The following CSGALNACT1 variants were observed in gnomAD, a reference collection of about 807,000 sequenced individuals.
The protein encoded by CSGALNACT1 is beta4GalNAcT-1.
Under a neutral mutation model 51.0 loss-of-function variants are expected in CSGALNACT1, and 52 were observed. That is an observed-to-expected ratio of 1.02 (90% CI 0.82 to 1.29). The LOEUF is 1.29. CSGALNACT1 is among the 50% of genes most tolerant of loss of function. The probability of loss-of-function intolerance (pLI) is 0.00; values close to 1 mark genes in which losing one functional copy is unlikely to be tolerated. For synonymous variants in CSGALNACT1, 341 were observed against 254.4 expected, an observed-to-expected ratio of 1.34 and a Z score of -3.24; for missense variants, 935 against 679.2, an observed-to-expected ratio of 1.38 and a Z score of -4.19.
At chr8:19,717,826 T>C (rs532852309) in intron 1 of CSGALNACT1, among the ~76,000 whole-genome samples, 1 of 152,318 alleles carries the variant, frequency 6.6e-6, no homozygotes, top group African/African-American at 2.4e-5. Context: ...GCTCAGGCAC[T>C]GTAACCCTGG....
intron 8 of CSGALNACT1, among the ~76,000 whole-genome samples, chr8:19,411,311 C>T (rs7821446): frequency 0.41 from 63,110 of 152,074 alleles, 14,363 homozygotes; most frequent in East Asian, 0.83. Flanking sequence ...GATGCATCTG[C>T]TTCTCTGTTT....
Position 19,405,861 on chromosome 8 carries a change from C to T in CSGALNACT1, c.1518G>A (p.Gln506=), listed in dbSNP as rs142112103. 3.7e-6 allele frequency: 6 copies of T among 1,614,182 alleles called. No individual in the cohort carries two copies. In the Admixed American group the frequency reaches 1.0e-4, roughly 27 times the overall value. The change falls in exon 10 of 10, where the codon CAG becomes CAA. Residue 506 remains glutamine (Q), a synonymous_variant. Transcript: ENST00000454498. ...CGTGCCTGAACACCAGCATGCCCAG[C>T]TGGCCGTGGGATGCCTCGTTCATGG...
rs535908955 is a variant in CSGALNACT1 at position 19,457,716 on chromosome 8, T to A, written c.851+710A>T. ...GCTGGTGAAATCACTTAGCTGGTTATCCTCAGCCAATATGTGCATCTGAGC... is the reference window on the plus strand; with the variant it reads ...GCTGGTGAAATCACTTAGCTGGTTAACCTCAGCCAATATGTGCATCTGAGC... On this transcript the variant is annotated intron_variant, in intron 5 of 9. Transcript: ENST00000454498. The A allele has an allele frequency of 9.6e-5, 129 of 1,338,464 alleles. No homozygotes were observed. In the African/African-American group the frequency reaches 1.8e-3, roughly 18 times the overall value. The allele number at this position is 1,338,464 out of a possible 1,614,324, so 82.9% of individuals were successfully genotyped here.
chr8:19,541,137 T>G lies in CSGALNACT1; in HGVS notation c.-296-35007A>C, dbSNP rs368867144. 3.5e-3 allele frequency among the ~76,000 whole-genome samples: 529 copies of G among 152,138 alleles called. 44 individuals carry two copies. The South Asian group carries it at 0.11, about 31-fold the overall frequency. On this transcript the variant is annotated intron_variant, in intron 3 of 9. Transcript: ENST00000454498. ...CTGTGTCCCCCAGGCTAGAATGCAG[T>G]GGCATGATCGCAGCTCACTGCAACC...
At chr8:19,541,962 T>G (rs1588077522) in intron 3 of CSGALNACT1, among the ~76,000 whole-genome samples, 1 of 152,236 alleles carries the variant, frequency 6.6e-6, no homozygotes, top group East Asian at 1.9e-4. Flanking sequence ...AGGTCTTCAG[T>G]TATCACCAAA....
At chr8:19,687,949 C>T (rs144364322) in intron 1 of CSGALNACT1, among the ~76,000 whole-genome samples, 3 of 152,310 alleles carry the variant, frequency 2.0e-5, no homozygotes, top group African/African-American at 7.2e-5. Context: ...CACTGACTTA[C>T]AGGATGACAA....
intron 4 of CSGALNACT1, among the ~76,000 whole-genome samples, chr8:19,461,832 G>T (rs111853220): frequency 2.0e-4 from 9 of 45,524 alleles, no homozygotes; most frequent in African/African-American, 3.8e-4. Context: ...TAGCCATGGA[G>T]GGTGTATCTG....
chr8:19,551,822 T>C (rs910877768), intron 3 of CSGALNACT1, among the ~76,000 whole-genome samples: 1 of 152,234 alleles, frequency 6.6e-6, no homozygotes, highest in African/African-American at 2.4e-5. Context: ...ATTTATATCT[T>C]ATTTTTTACC....
chr8:19,452,065 C>A (rs761248050), intron 5 of CSGALNACT1, among the ~76,000 whole-genome samples: 2 of 152,166 alleles, frequency 1.3e-5, no homozygotes, highest in African/African-American at 2.4e-5. Flanking sequence ...ACAATTTTGC[C>A]ACCAATAAAT....
chr8:19,595,588 G>A (rs1327926953), intron 2 of CSGALNACT1, among the ~76,000 whole-genome samples: 2 of 151,750 alleles, frequency 1.3e-5, no homozygotes, highest in South Asian at 2.1e-4. Context: ...TTTCTCTGGG[G>A]GACTTGACTA....
intron 4 of CSGALNACT1, among the ~76,000 whole-genome samples, chr8:19,499,107 C>A (rs2075987387): frequency 6.6e-6 from 1 of 152,076 alleles, no homozygotes; most frequent in African/African-American, 2.4e-5. Flanking sequence ...AGAGTGAGAC[C>A]CTGTCTCAAA....
At chr8:19,679,158 A>G (rs560805958) in intron 1 of CSGALNACT1, among the ~76,000 whole-genome samples, 26 of 152,362 alleles carry the variant, frequency 1.7e-4, no homozygotes, top group African/African-American at 5.8e-4. Flanking sequence ...CAGCAAAGCC[A>G]TAAGAAACTT....
At chr8:19,716,697 C>A (rs2062831791) in intron 1 of CSGALNACT1, among the ~76,000 whole-genome samples, 1 of 148,456 alleles carries the variant, frequency 6.7e-6, no homozygotes, top group Admixed American at 6.8e-5. Flanking sequence ...GAGACTGAGG[C>A]ATGAGAATCA....
At chr8:19,655,122 T>A (rs1432540721) in intron 1 of CSGALNACT1, among the ~76,000 whole-genome samples, 1 of 152,100 alleles carries the variant, frequency 6.6e-6, no homozygotes, top group Non-Finnish European at 1.5e-5. Flanking sequence ...TGGAAAATAG[T>A]GATTAGCAGA....
intron 1 of CSGALNACT1, among the ~76,000 whole-genome samples, chr8:19,672,558 A>G (rs2059875147): frequency 6.6e-6 from 1 of 152,194 alleles, no homozygotes. Context: ...AATACTATTG[A>G]CTATCTAATA....
chr8:19,514,002 A>G (rs1251001971), intron 3 of CSGALNACT1, among the ~76,000 whole-genome samples: 1 of 152,186 alleles, frequency 6.6e-6, no homozygotes, highest in African/African-American at 2.4e-5. Flanking sequence ...GTTTCAGAGC[A>G]GGGTTTTCAG....
In CSGALNACT1 at chr8:19,597,285, C is replaced by CTTTTTTTTTTTTTTTT. The variant is rs35177349; in HGVS notation, c.-416+4470_-416+4485dup. The stretch of plus-strand genomic sequence containing the variant: ...GGTTGGGGCTGCCTCTATCTTCTTT[C>CTTTTTTTTTTTTTTTT]TTTTTTTTTTTTTTTTTTTTTTTTT... On this transcript the variant is annotated intron_variant, in intron 2 of 9. Transcript: ENST00000454498. 3.9e-4 allele frequency among the ~76,000 whole-genome samples: 25 copies of CTTTTTTTTTTTTTTTT among 64,566 alleles called. 2 individuals are homozygous for CTTTTTTTTTTTTTTTT. The highest frequency in any genetic ancestry group is 1.7e-3 in the African/African-American group (24 of 14,416). The allele number at this position is 64,566 out of a possible 152,430, so 42.4% of individuals were successfully genotyped here. A position where few individuals can be genotyped will look rare whatever the true frequency, so the allele number is the denominator to read the frequency against.
chr8:19,487,868 A>G (rs2073364525), intron 4 of CSGALNACT1, among the ~76,000 whole-genome samples: 1 of 152,086 alleles, frequency 6.6e-6, no homozygotes, highest in Non-Finnish European at 1.5e-5. Context: ...AGCCCAAAGA[A>G]TGAACTGAGA....
intron 1 of CSGALNACT1, among the ~76,000 whole-genome samples, chr8:19,666,592 G>C (rs896257475): frequency 6.6e-6 from 1 of 151,504 alleles, no homozygotes; most frequent in Non-Finnish European, 1.5e-5. Context: ...CTACTCAGGA[G>C]GGAGAGGAGG....
Sources: gnomAD v4.1 joint callset for allele counts (sites outside exome capture counted in the v4.1 genomes callset) on GRCh38, gnomAD v4.1.1 for gene constraint, MANE v1.5 for transcripts, NCBI Gene and HGNC (gene_info 2026-07-23, HGNC 2026-07-21) for gene names.